Variants in TFF2 observed in about 807,000 individuals in gnomAD.
TFF2 encodes spasmolysin.
Under a neutral mutation model 16.0 loss-of-function variants are expected in TFF2, and 19 were observed. The observed-to-expected ratio is 1.19, with a 90% CI of 0.83 to 1.74. TFF2 has a LOEUF of 1.74. Ranked by LOEUF, TFF2 falls within the 40% of genes most tolerant of loss-of-function variation. TFF2 has a pLI of 0.00. For synonymous variants in TFF2, 61 were observed against 65.4 expected, an observed-to-expected ratio of 0.93 and a Z score of 0.32; for missense variants, 168 against 166.8, an observed-to-expected ratio of 1.01 and a Z score of -0.04.
Position 42,350,033 on chromosome 21 carries a change from G to A in TFF2, c.80-3C>T. On this transcript the variant is annotated splice_polypyrimidine_tract_variant and splice_region_variant and intron_variant, in intron 1 of 3. Transcript: ENST00000291526. ...CAGCCTGGAGCACTGGCAGGGGGCTGTGGAAAGACCCTCAGTCGGCCCCAC... is the reference window on the plus strand; with the variant it reads ...CAGCCTGGAGCACTGGCAGGGGGCTATGGAAAGACCCTCAGTCGGCCCCAC... The A allele has an allele frequency of 2.5e-6, 4 of 1,596,004 alleles. No homozygotes were observed. Among genetic ancestry groups the A allele is most frequent in the Non-Finnish European group, 3.4e-6 (4 of 1,171,420 alleles).
chr21:42,349,820 C>A, intron 2 of TFF2, 61 bp downstream of exon 2: 1 of 1,504,868 alleles, frequency 6.6e-7, no homozygotes, highest in Non-Finnish European at 9.0e-7. Flanking sequence ...CTGGGCTCCG[C>A]CTGTGAAGCT....
chr21:42,346,627 C>A (rs1689759840), intron 3 of TFF2, 81 bp from the exon 4 acceptor site: 1 of 1,459,214 alleles, frequency 6.9e-7, no homozygotes, highest in South Asian at 1.3e-5. Context: ...GGTGGGCGTG[C>A]ATCACTTTGC....
At chr21:42,349,812 G>T in intron 2 of TFF2, 69 bp downstream of exon 2, 1 of 1,479,970 alleles carries the variant, frequency 6.8e-7, no homozygotes. Flanking sequence ...CCCCTGCTCT[G>T]GGCTCCGCCT....
In TFF2 at chr21:42,347,511, C is replaced by G; in HGVS notation, c.351G>C (p.Trp117Cys). Residue 117 changes from tryptophan to cysteine, a missense_variant, in exon 3 of 4, where the codon TGG (tryptophan) becomes TGC (cysteine). Trp to Cys is a radical substitution (Grantham distance 215, BLOSUM62 -2). Transcript: ENST00000291526. ...CTTCCACAGACTTCGGGAAGAAGCA[C>G]CAGGGCACTTCAAAGATGAAGTTGG... is the stretch of plus-strand genomic sequence containing the variant. ...CFSNFIFEVP[W>C]CFFPKSVEDC... is the part of the protein sequence containing the mutation. The G allele has an allele frequency of 1.2e-6, 2 of 1,614,152 alleles. No homozygotes were observed. Among genetic ancestry groups the G allele is most frequent in the Non-Finnish European group, 1.7e-6 (2 of 1,180,014 alleles).
At chr21:42,349,596 A>G (rs769112448) in intron 2 of TFF2, among the ~76,000 whole-genome samples, 1 of 151,374 alleles carries the variant, frequency 6.6e-6, no homozygotes, top group Non-Finnish European at 1.5e-5. Context: ...AACCTGGGCT[A>G]GCCTTAGACT....
intron 3 of TFF2, 36 bp from the exon 4 acceptor site, chr21:42,346,582 C>T (rs771812089): frequency 6.3e-7 from 1 of 1,585,150 alleles, no homozygotes; most frequent in East Asian, 2.3e-5. Flanking sequence ...GGTAAGGGAA[C>T]CCCAGAAATG....
Position 42,346,409 on chromosome 21 carries a change from A to G in TFF2, c.*124T>C. On this transcript the variant is annotated 3_prime_UTR_variant, in exon 4 of 4. Transcript: ENST00000291526. ...AAGAAATTATATGTTAAACCATTGA[A>G]AATGAGGAAAAGATGGTTAAGAAAA... 1.6e-6 allele frequency: 2 copies of G among 1,262,166 alleles called. No homozygotes were observed. The highest frequency in any genetic ancestry group is 2.3e-6 in the Non-Finnish European group (2 of 875,792). 78.2% of individuals were successfully genotyped at this position (1,262,166 alleles called of 1,614,324 possible). A position where few individuals can be genotyped will look rare whatever the true frequency, so the allele number is the denominator to read the frequency against.
chr21:42,350,029 G>A lies in TFF2; in HGVS notation c.81C>T (p.Ser27=). The A allele has an allele frequency of 6.3e-7, 1 of 1,596,978 alleles. No homozygotes were observed. Among genetic ancestry groups the A allele is most frequent in the Non-Finnish European group, 8.5e-7 (1 of 1,171,894 alleles). Residue 27 remains serine, a splice_region_variant and synonymous_variant, in exon 2 of 4, where the codon TCC becomes TCT. Transcript: ENST00000291526. ...LCALAGSEKP[S]PCQCSRLSPH... is the part of the protein sequence containing the mutation. ...GGCTCAGCCTGGAGCACTGGCAGGGGGCTGTGGAAAGACCCTCAGTCGGCC... is the reference window on the plus strand; with the variant it reads ...GGCTCAGCCTGGAGCACTGGCAGGGAGCTGTGGAAAGACCCTCAGTCGGCC...
In TFF2 at chr21:42,350,883, T is replaced by C. The variant is rs746116908; in HGVS notation, c.75A>G (p.Lys25=). The change falls in exon 1 of 4, where the codon AAA becomes AAG. Residue 25 remains lysine (K), a synonymous_variant. Coordinates refer to ENST00000291526, the MANE Select transcript of TFF2 (RefSeq NM_005423.5). ...AAGACCCTCTCCTTCACTTACAGGG[T>C]TTCTCACTCCCCGCCAGGGCACATA... The part of the protein sequence containing the change: ...LGLCALAGSE[K]PSPCQCSRLS... The C allele has an allele frequency of 6.2e-7, 1 of 1,612,158 alleles. No homozygotes were observed. Among genetic ancestry groups the C allele is most frequent in the East Asian group, 2.2e-5 (1 of 44,820 alleles).
intron 2 of TFF2, among the ~76,000 whole-genome samples, chr21:42,349,394 C>T (rs2052095831): frequency 6.7e-6 from 1 of 149,966 alleles, no homozygotes. Context: ...TGGGCTAGCC[C>T]CAGACTAACC....
rs557067769 is a variant in TFF2, at chr21:42,349,215, C to T, written c.229+666G>A. ...AGACTAACAAACCTAGGCTACTAGC[C>T]CCAGACTAACCAGCCTATGCTAGCC... On this transcript the variant is annotated intron_variant, in intron 2 of 3. Coordinates refer to ENST00000291526, the MANE Select transcript of TFF2 (RefSeq NM_005423.5). 2.9e-4 allele frequency among the ~76,000 whole-genome samples: 44 copies of T among 151,340 alleles called. 1 individual carries two copies. The highest frequency in any genetic ancestry group is 7.4e-5 in the Non-Finnish European group (5 of 67,826).
At chr21:42,349,848 C>G in intron 2 of TFF2, 33 bp downstream of exon 2, 1 of 1,557,838 alleles carries the variant, frequency 6.4e-7, no homozygotes, top group Non-Finnish European at 8.7e-7. Context: ...GGGTTGCCAG[C>G]TGCTGGCCCA....
In TFF2 at chr21:42,346,508, A is replaced by G; in HGVS notation, c.*25T>C. On this transcript the variant is annotated 3_prime_UTR_variant, in exon 4 of 4. Coordinates refer to ENST00000291526, the MANE Select transcript of TFF2 (RefSeq NM_005423.5). ...GGTTTCGGAACACCCGGTGAGCCAG[A>G]TGCATCCTCTGGAACCAGCCTCTCT... 5.0e-6 allele frequency: 8 copies of G among 1,612,972 alleles called. No homozygotes were observed. The highest frequency in any genetic ancestry group is 2.7e-5 in the African/African-American group (2 of 74,870).
At chr21:42,348,641 G>A (rs892867147) in intron 2 of TFF2, among the ~76,000 whole-genome samples, 2 of 151,688 alleles carry the variant, frequency 1.3e-5, no homozygotes, top group Non-Finnish European at 2.9e-5. Context: ...GTCCAGACTA[G>A]TCCCAGACTA....
chr21:42,350,790 C>T, intron 1 of TFF2, 89 bp downstream of exon 1: 2 of 1,361,978 alleles, frequency 1.5e-6, no homozygotes, highest in Non-Finnish European at 2.0e-6. Context: ...ATAGCCATTC[C>T]CCCTCTCAAG....
Position 42,346,546 on chromosome 21 carries a change from T to C in TFF2, c.377A>G (p.Asp126Gly), listed in dbSNP as rs768005572. Reference protein sequence around the residue: ...PWCFFPKSVEDCHY With the variant: ...PWCFFPKSVEGCHY ...AACCAGCCTCTCTTAGTAATGGCAGTCTAGAAGTTTAAATGCAAGATGGTT... is the reference window on the plus strand; with the variant it reads ...AACCAGCCTCTCTTAGTAATGGCAGCCTAGAAGTTTAAATGCAAGATGGTT... Residue 126 changes from aspartate (D) to glycine (G), a missense_variant and splice_region_variant, in exon 4 of 4, where the codon GAC becomes GGC. By Grantham distance (94) the Asp-to-Gly change is moderately conservative. Transcript: ENST00000291526. 3.9e-5 allele frequency: 62 copies of C among 1,598,290 alleles called. No homozygotes were observed. In the East Asian group the frequency reaches 1.3e-3, roughly 32 times the overall value.
rs768634094 is a variant in TFF2, at chr21:42,349,891, G to A, written c.219C>T (p.Leu73=). ...TCCCTGGAAGATTACCTTGCTTTGG[G>A]AGGGGGTGGAAACACCAGGGGACCC... ...VTGVPWCFHP[L]PKQESDQCVM... is the part of the protein sequence containing the mutation. The change falls in exon 2 of 4, where the codon CTC becomes CTT. Residue 73 remains leucine (L), a synonymous_variant. Coordinates refer to ENST00000291526, the MANE Select transcript of TFF2 (RefSeq NM_005423.5). 1.6e-5 allele frequency: 25 copies of A among 1,596,958 alleles called. 1 individual carries two copies. The South Asian group carries it at 1.7e-4, about 11-fold the overall frequency.
chr21:42,350,266 C>T (rs1026587821), intron 1 of TFF2: 14 of 1,070,002 alleles, frequency 1.3e-5, no homozygotes, highest in Non-Finnish European at 1.5e-5. Context: ...GTGGCTCATA[C>T]CTATAATCCC....
At position 42,350,122 on chromosome 21, in the gene TFF2, G is replaced by A. The variant is rs1049611377; in HGVS notation, c.80-92C>T. 6 of 1,449,964 alleles carry A rather than the reference G, an allele frequency of 4.1e-6. No individual in the cohort carries two copies. The African/African-American group carries it at 8.5e-5, about 21-fold the overall frequency. The allele number at this position is 1,449,964 out of a possible 1,614,324, so 89.8% of individuals were successfully genotyped here. A position where few individuals can be genotyped will look rare whatever the true frequency, so the allele number is the denominator to read the frequency against. On this transcript the variant is annotated intron_variant, in intron 1 of 3. Coordinates refer to ENST00000291526, the MANE Select transcript of TFF2 (RefSeq NM_005423.5). ...TTCTAGGGGATGCCTCTACTGTCTTGTTGCCACATAGAGAAACACAAAGTC... is the reference window on the plus strand; with the variant it reads ...TTCTAGGGGATGCCTCTACTGTCTTATTGCCACATAGAGAAACACAAAGTC...
Sources: allele counts gnomAD v4.1 joint callset (sites outside exome capture counted in the v4.1 genomes callset), GRCh38; gene constraint gnomAD v4.1.1; transcripts MANE v1.5; gene names NCBI Gene and HGNC (gene_info 2026-07-23, HGNC 2026-07-21).